The following GSDME variants were observed in gnomAD, a reference collection of about 807,000 sequenced individuals.
The protein encoded by GSDME is gasdermin E.
Under a neutral mutation model 47.5 loss-of-function variants are expected in GSDME, and 44 were observed. The ratio of observed to expected loss-of-function variants is 0.93; its 90% CI spans 0.73 to 1.19. The LOEUF is 1.19. GSDME is among the 50% of genes most tolerant of loss of function. The pLI is 0.00. For missense variants in GSDME, 663 were observed against 604.2 expected, an observed-to-expected ratio of 1.10 and a Z score of -1.02; for synonymous variants, 258 against 252.8, an observed-to-expected ratio of 1.02 and a Z score of -0.20.
the GSDME span, among the ~76,000 whole-genome samples, chr7:24,788,859 G>A: frequency 5.9e-5 from 9 of 152,240 alleles, no homozygotes; most frequent in South Asian, 1.9e-3. This position sits in a 1 kb window ranked among gnomAD's most constrained non-coding sequence, Gnocchi z 4.6. Context: ...TGGCAGATTT[G>A]ATTCAGTTCA....
chr7:24,707,956 G>A (rs997816295), intron 7 of GSDME, 171 bp downstream of exon 7: 14 of 742,306 alleles, frequency 1.9e-5, no homozygotes, highest in Non-Finnish European at 2.4e-5. Flanking sequence ...CCCTCCACCC[G>A]ATGCCAGCTA....
Position 24,742,059 on chromosome 7 carries a change from G to A in GSDME, c.404+2503C>T, listed in dbSNP as rs1790509562. On this transcript the variant is annotated intron_variant, in intron 3 of 9. Coordinates refer to ENST00000645220, the MANE Select transcript of GSDME (RefSeq NM_001127453.2). This position sits in a 1 kb window ranked among gnomAD's most constrained non-coding sequence, Gnocchi z 4.4. ...TCCCCCATCACCACTACAAGTAATAGGACTCCCGAGTCCAAGTGATCTCAT... is the reference window on the plus strand; with the variant it reads ...TCCCCCATCACCACTACAAGTAATAAGACTCCCGAGTCCAAGTGATCTCAT... Among the ~76,000 whole-genome samples the A allele has an allele frequency of 6.6e-6, 1 of 152,132 alleles. No individual in the cohort carries two copies. Among genetic ancestry groups the A allele is most frequent in the Admixed American group, 6.5e-5 (1 of 15,282 alleles).
At chr7:24,741,950 T>A (rs1189644754) in intron 3 of GSDME, among the ~76,000 whole-genome samples, 1 of 152,152 alleles carries the variant, frequency 6.6e-6, no homozygotes, top group Non-Finnish European at 1.5e-5. Context: ...GAGGTGATTC[T>A]GTGATAAAAC....
rs1191186399 is a variant in GSDME at position 24,749,913 on chromosome 7, T to TAG, written c.-19-122_-19-121dup. ...TTCACATGAAAGAATATCTTCTTCC[T>TAG]AGAAGACCCTCTAGTTTGACTTTAG... is the stretch of plus-strand genomic sequence containing the variant. On this transcript the variant is annotated intron_variant, in intron 1 of 9. Transcript: ENST00000645220. 1.0e-5 allele frequency: 7 copies of TAG among 668,386 alleles called. No homozygotes were observed. The Admixed American group carries it at 1.6e-4, about 15-fold the overall frequency. 41.4% of individuals were successfully genotyped at this position (668,386 alleles called of 1,614,324 possible).
At chr7:24,769,337 G>A in the GSDME span, among the ~76,000 whole-genome samples, 8 of 152,198 alleles carry the variant, frequency 5.3e-5, no homozygotes, top group Non-Finnish European at 1.2e-4. Flanking sequence ...TTTACCTCTA[G>A]GAGCTCTAAC....
At chr7:24,765,007 G>C in the GSDME span, among the ~76,000 whole-genome samples, 1 of 152,212 alleles carries the variant, frequency 6.6e-6, no homozygotes, top group East Asian at 1.9e-4. Context: ...GGCAGAGGGA[G>C]TTTTGGGGAA....
rs985434227 is a variant in GSDME at position 24,716,269 on chromosome 7, C to G, written c.697+985G>C. Reference sequence around the variant, plus strand: ...CAGCCAGCTTCAGCCACTGTCCCCTCTCAGCCAAGCCTCCTTCCCTCGGCA... The same window carrying G: ...CAGCCAGCTTCAGCCACTGTCCCCTGTCAGCCAAGCCTCCTTCCCTCGGCA... On this transcript the variant is annotated intron_variant, in intron 5 of 9. Transcript: ENST00000645220. This position sits in a 1 kb window ranked among gnomAD's most constrained non-coding sequence, Gnocchi z 4.5. Among the ~76,000 whole-genome samples the G allele has an allele frequency of 1.3e-5, 2 of 152,260 alleles. No homozygotes were observed. The highest frequency in any genetic ancestry group is 2.9e-5 in the Non-Finnish European group (2 of 68,040).
At chr7:24,795,066 G>C in the GSDME span, among the ~76,000 whole-genome samples, 3 of 152,180 alleles carry the variant, frequency 2.0e-5, no homozygotes, top group Non-Finnish European at 4.4e-5. Context: ...AGATGGAGTG[G>C]GCAAGTTCCA....
the GSDME span, among the ~76,000 whole-genome samples, chr7:24,768,446 G>A: frequency 6.6e-6 from 1 of 151,948 alleles, no homozygotes; most frequent in Non-Finnish European, 1.5e-5. The surrounding 1 kb of genome is among the most constrained non-coding windows in gnomAD (Gnocchi z 5.6). Context: ...CATGTCAACG[G>A]GGAGGAGTCA....
intron 2 of GSDME, among the ~76,000 whole-genome samples, chr7:24,748,601 C>T (rs1790755127): frequency 6.6e-6 from 1 of 152,058 alleles, no homozygotes; most frequent in African/African-American, 2.4e-5. Flanking sequence ...TATTTTATAC[C>T]GTACTGTAAC....
In GSDME at chr7:24,745,741, G is replaced by A. The variant is rs1166741258; in HGVS notation, c.212-987C>T. ...CAACACCAGCTACCCTAGAGGCTGA[G>A]GTGAGAGGATCACCTGAACCCAGGA... On this transcript the variant is annotated intron_variant, in intron 2 of 9. Coordinates refer to ENST00000645220, the MANE Select transcript of GSDME (RefSeq NM_001127453.2). This position sits in a 1 kb window ranked among gnomAD's most constrained non-coding sequence, Gnocchi z 4.4. Among the ~76,000 whole-genome samples, 3 of 152,130 alleles carry A rather than the reference G, an allele frequency of 2.0e-5. No homozygotes were observed. The highest frequency in any genetic ancestry group is 4.4e-5 in the Non-Finnish European group (3 of 68,044).
intron 6 of GSDME, among the ~76,000 whole-genome samples, chr7:24,708,671 T>G (rs1289178767): frequency 6.6e-6 from 1 of 152,254 alleles, no homozygotes; most frequent in Non-Finnish European, 1.5e-5. Flanking sequence ...AAATACATTA[T>G]TTTTCACGTC....
In GSDME at chr7:24,724,174, CAAAAA is replaced by C. The variant is rs141820646; in HGVS notation, c.405-4961_405-4957del. Among the ~76,000 whole-genome samples, 2 of 139,134 alleles carry C rather than the reference CAAAAA, an allele frequency of 1.4e-5. No homozygotes were observed. The highest frequency in any genetic ancestry group is 4.0e-4 in the East Asian group (2 of 4,956). The allele number at this position is 139,134 out of a possible 152,430, so 91.3% of individuals were successfully genotyped here. ...ACCATGTGAATAGATTGCCCAGTTC[CAAAAA>C]AAAAAAAAAGTATTTTAAAAAAAGG... is the stretch of plus-strand genomic sequence containing the variant. On this transcript the variant is annotated intron_variant, in intron 3 of 9. Coordinates refer to ENST00000645220, the MANE Select transcript of GSDME (RefSeq NM_001127453.2). This position sits in a 1 kb window ranked among gnomAD's most constrained non-coding sequence, Gnocchi z 4.8.
intron 3 of GSDME, among the ~76,000 whole-genome samples, chr7:24,738,139 A>T (rs1790367754): frequency 6.6e-6 from 1 of 152,198 alleles, no homozygotes; most frequent in South Asian, 2.1e-4. Context: ...CAATCAGACA[A>T]GAGAAAGAAT....
chr7:24,728,278 C>A lies in GSDME; in HGVS notation c.405-9060G>T, dbSNP rs922881840. Among the ~76,000 whole-genome samples the A allele has an allele frequency of 1.2e-4, 18 of 152,150 alleles. No individual in the cohort carries two copies. Among genetic ancestry groups the A allele is most frequent in the African/African-American group, 4.1e-4 (17 of 41,434 alleles). ...TTAGGGACCAAGAGAACTTGAGCTG[C>A]CAGGACAGATGGCGGCTGCCACAGG... On this transcript the variant is annotated intron_variant, in intron 3 of 9. Transcript: ENST00000645220. The surrounding 1 kb of genome is among the most constrained non-coding windows in gnomAD (Gnocchi z 7.2).
chr7:24,768,743 A>G, the GSDME span, among the ~76,000 whole-genome samples: 1 of 152,260 alleles, frequency 6.6e-6, no homozygotes, highest in African/African-American at 2.4e-5. The surrounding 1 kb of genome is among the most constrained non-coding windows in gnomAD (Gnocchi z 5.6). Flanking sequence ...ACCTTAAAGC[A>G]ATCTGGTTCA....
Position 24,749,813 on chromosome 7 carries a change from C to A in GSDME, c.-19-20G>T, listed in dbSNP as rs929267599. ...GATTATCTGAAAAAGTAAAGTTATC[C>A]TAAAATCAAATAAGAAGTTACTATT... On this transcript the variant is annotated intron_variant, in intron 1 of 9. Transcript: ENST00000645220. The A allele has an allele frequency of 2.0e-6, 3 of 1,529,780 alleles. No homozygotes were observed. The highest frequency in any genetic ancestry group is 1.8e-6 in the Non-Finnish European group (2 of 1,106,310). 94.8% of individuals were successfully genotyped at this position (1,529,780 alleles called of 1,614,324 possible).
intron 3 of GSDME, among the ~76,000 whole-genome samples, chr7:24,727,998 A>G (rs1323010670): frequency 6.6e-6 from 1 of 152,148 alleles, no homozygotes; most frequent in Non-Finnish European, 1.5e-5. Context: ...CGTCCCCAGC[A>G]CTGTTCGGGA....
At chr7:24,699,418 C>T (rs778636865) in intron 9 of GSDME, among the ~76,000 whole-genome samples, 159 bp from the exon 10 acceptor site, 1 of 152,196 alleles carries the variant, frequency 6.6e-6, no homozygotes, top group Non-Finnish European at 1.5e-5. Context: ...TCTCGGCTCA[C>T]TGCAACCTCC....
Sources: allele counts gnomAD v4.1 joint callset (sites outside exome capture counted in the v4.1 genomes callset), GRCh38; gene constraint gnomAD v4.1.1; non-coding constraint Gnocchi (gnomAD v3.1); transcripts MANE v1.5; gene names NCBI Gene and HGNC (gene_info 2026-07-23, HGNC 2026-07-21).